The following GRAMD2B variants were observed in gnomAD, a reference collection of about 807,000 sequenced individuals.
GRAMD2B encodes the protein GRAM domain-containing protein 2B.
A neutral mutation model predicts 59.2 loss-of-function variants in GRAMD2B; 41 were observed. That is an observed-to-expected ratio of 0.69 (90% CI 0.54 to 0.90). The LOEUF is 0.90. GRAMD2B is among the 40% of genes least tolerant of loss of function. The pLI is 0.00. For synonymous variants in GRAMD2B, 161 were observed against 182.7 expected (o/e 0.88, Z 0.96); for missense variants, 424 against 500.5 (o/e 0.85, Z 1.46).
intron 8 of GRAMD2B, among the ~76,000 whole-genome samples, chr5:126,483,212 G>A (rs1679761792): frequency 6.6e-6 from 1 of 152,174 alleles, no homozygotes; most frequent in Admixed American, 6.5e-5. Flanking sequence ...CATTCTGGGT[G>A]TTTTCCTAGA....
intron 1 of GRAMD2B, chr5:126,465,224 C>T (rs1013844282): frequency 4.2e-6 from 6 of 1,416,420 alleles, no homozygotes; most frequent in African/African-American, 1.4e-5. Flanking sequence ...GAAACAGGTG[C>T]GACCTGCAGC....
chr5:126,446,406 A>G (rs551797566), intron 1 of GRAMD2B, among the ~76,000 whole-genome samples: 2 of 152,268 alleles, frequency 1.3e-5, no homozygotes, highest in South Asian at 4.1e-4. Flanking sequence ...TTAAACTTCA[A>G]AAATCATTTC....
chr5:126,437,869 G>T (rs1445678675), intron 1 of GRAMD2B, among the ~76,000 whole-genome samples: 1 of 152,196 alleles, frequency 6.6e-6, no homozygotes, highest in African/African-American at 2.4e-5. Context: ...GACTCTGCAG[G>T]CTGGGTAAGT....
intron 2 of GRAMD2B, chr5:126,466,281 C>T: frequency 2.6e-6 from 4 of 1,547,200 alleles, no homozygotes; most frequent in Non-Finnish European, 3.5e-6. Flanking sequence ...TTGCTTCCTT[C>T]CTGGCTTCCC....
chr5:126,424,006 G>C (rs944550530), intron 1 of GRAMD2B, among the ~76,000 whole-genome samples: 1 of 152,214 alleles, frequency 6.6e-6, no homozygotes, highest in Non-Finnish European at 1.5e-5. Flanking sequence ...ACAGCCCTTC[G>C]TTTAGAATGA....
At position 126,429,344 on chromosome 5, in the gene GRAMD2B, G is replaced by A. The variant is rs555304930; in HGVS notation, c.83+5655G>A. Among the ~76,000 whole-genome samples the A allele has an allele frequency of 2.0e-5, 3 of 152,128 alleles. No individual in the cohort carries two copies. In the South Asian group the frequency reaches 6.2e-4, roughly 32 times the overall value. Reference sequence around the variant, plus strand: ...TGGGAGCTAAATGATGAGAACACATGGACACACAGAGGGGAACAACACACA... The same window carrying A: ...TGGGAGCTAAATGATGAGAACACATAGACACACAGAGGGGAACAACACACA... On this transcript the variant is annotated intron_variant, in intron 1 of 13. Coordinates refer to ENST00000285689, the MANE Select transcript of GRAMD2B (RefSeq NM_023927.4).
chr5:126,404,861 TAAC>T (rs1449138708), intron 1 of GRAMD2B, among the ~76,000 whole-genome samples: 1 of 151,734 alleles, frequency 6.6e-6, no homozygotes, highest in Non-Finnish European at 1.5e-5. Context: ...TACAACATAA[TAAC>T]AAAAAATAAA....
intron 1 of GRAMD2B, among the ~76,000 whole-genome samples, chr5:126,412,342 C>T (rs551920614): frequency 7.9e-5 from 12 of 152,160 alleles, no homozygotes; most frequent in African/African-American, 2.9e-4. Flanking sequence ...TTATCAAAAG[C>T]TTTTGCTGCA....
chr5:126,368,266 T>C (rs1754559513), upstream of GRAMD2B, among the ~76,000 whole-genome samples: 1 of 152,236 alleles, frequency 6.6e-6, no homozygotes, highest in African/African-American at 2.4e-5. Context: ...AAATGAAAGC[T>C]GTGGCACAGG....
intron 1 of GRAMD2B, among the ~76,000 whole-genome samples, chr5:126,383,066 A>G (rs1396576193): frequency 6.6e-6 from 1 of 152,210 alleles, no homozygotes; most frequent in Non-Finnish European, 1.5e-5. Context: ...TCTCTCAGCC[A>G]TGGATACCAG....
chr5:126,484,431 CT>C lies in GRAMD2B; in HGVS notation c.878del (p.Leu293ArgfsTer17). On this transcript the variant is annotated frameshift_variant, in exon 10 of 14. Coordinates refer to ENST00000285689, the MANE Select transcript of GRAMD2B (RefSeq NM_023927.4). LOFTEE classifies it high-confidence loss of function. ...DFHATESQTV[L>X]NVSKGEAKPT... Reference sequence around the variant, plus strand: ...CCATGCGACAGAATCCCAAACAGTTCTGAATGTCTCCAAGGGAGAAGCAAAG... The same window carrying C: ...CCATGCGACAGAATCCCAAACAGTTCGAATGTCTCCAAGGGAGAAGCAAAG... The C allele has an allele frequency of 6.2e-7, 1 of 1,614,126 alleles. No homozygotes were observed. The highest frequency in any genetic ancestry group is 8.5e-7 in the Non-Finnish European group (1 of 1,180,002).
chr5:126,393,893 C>T (rs368632829), intron 1 of GRAMD2B, among the ~76,000 whole-genome samples: 2 of 152,058 alleles, frequency 1.3e-5, no homozygotes, highest in African/African-American at 4.8e-5. Context: ...TCCTGAGTAC[C>T]ATGTAAAGGT....
At chr5:126,377,525 T>C (rs759921019) in intron 1 of GRAMD2B, among the ~76,000 whole-genome samples, 3 of 152,264 alleles carry the variant, frequency 2.0e-5, no homozygotes, top group Non-Finnish European at 4.4e-5. Context: ...CTATTTTTCC[T>C]CTTTCACACT....
intron 1 of GRAMD2B, among the ~76,000 whole-genome samples, chr5:126,459,402 C>T (rs1242102492): frequency 6.6e-6 from 1 of 152,146 alleles, no homozygotes; most frequent in East Asian, 1.9e-4. Context: ...TGCCACCATA[C>T]CTGGCTTCCA....
chr5:126,481,990 G>A (rs2126917657), intron 8 of GRAMD2B, among the ~76,000 whole-genome samples: 1 of 150,328 alleles, frequency 6.7e-6, no homozygotes, highest in Non-Finnish European at 1.5e-5. Context: ...AAAAAAAGGG[G>A]AGATGAAGTA....
At chr5:126,405,427 T>C (rs1466837858) in intron 1 of GRAMD2B, among the ~76,000 whole-genome samples, 1 of 151,934 alleles carries the variant, frequency 6.6e-6, no homozygotes, top group African/African-American at 2.4e-5. Flanking sequence ...TTCCTGAACC[T>C]AAGCTTCCTC....
intron 1 of GRAMD2B, among the ~76,000 whole-genome samples, chr5:126,461,521 G>T (rs940540956): frequency 1.1e-4 from 16 of 152,300 alleles, no homozygotes; most frequent in African/African-American, 3.8e-4. Flanking sequence ...TTCCCTGGCT[G>T]GGCATGGTGG....
At position 126,493,386 on chromosome 5, in the gene GRAMD2B, C is replaced by T. The variant is rs1774263122; in HGVS notation, c.*430C>T. 1.9e-5 allele frequency: 3 copies of T among 156,684 alleles called. No homozygotes were observed. The highest frequency in any genetic ancestry group is 4.2e-5 in the Non-Finnish European group (3 of 70,698). The allele number at this position is 156,684 out of a possible 1,614,324, so 9.7% of individuals were successfully genotyped here. A position where few individuals can be genotyped will look rare whatever the true frequency, so the allele number is the denominator to read the frequency against. ...CATATACTGACAAACTCAATGTGGT[C>T]CTTTCAAGAATTAGCCATGAGTCTC... On this transcript the variant is annotated 3_prime_UTR_variant, in exon 14 of 14. Coordinates refer to ENST00000285689, the MANE Select transcript of GRAMD2B (RefSeq NM_023927.4).
At position 126,444,123 on chromosome 5, in the gene GRAMD2B, C is replaced by T. The variant is rs568458214; in HGVS notation, c.83+20434C>T. ...TACCACCACCACCACCAGTCCTGGC[C>T]TACCTTTTCCAAAGAAGATTATTCC... On this transcript the variant is annotated intron_variant, in intron 1 of 13. Transcript: ENST00000285689. 2.0e-5 allele frequency among the ~76,000 whole-genome samples: 3 copies of T among 151,868 alleles called. No individual in the cohort carries two copies. The East Asian group carries it at 5.8e-4, about 29-fold the overall frequency.
Sources: allele counts gnomAD v4.1 joint callset (sites outside exome capture counted in the v4.1 genomes callset), GRCh38; gene constraint gnomAD v4.1.1; transcripts MANE v1.5; gene names NCBI Gene and HGNC (gene_info 2026-07-23, HGNC 2026-07-21).